C2CD5: variants seen among roughly 807,000 people sequenced by gnomAD.
C2CD5 encodes C2 calcium dependent domain containing 5, also known as C2 domain-containing protein 5.
In C2CD5, 109 loss-of-function variants were observed where a neutral mutation model predicts 130.3. That is an observed-to-expected ratio of 0.84 (90% CI 0.72 to 0.98). The LOEUF is 0.98. C2CD5 is among the 50% of genes least tolerant of loss of function. The pLI is 0.00. For missense variants in C2CD5, 996 were observed against 1,261.8 expected (o/e 0.79, Z 3.19); for synonymous variants, 454 against 429.2 (o/e 1.06, Z -0.71).
chr12:22,466,913 G>A (rs1470334521), intron 22 of C2CD5, among the ~76,000 whole-genome samples: 1 of 152,174 alleles, frequency 6.6e-6, no homozygotes, highest in Non-Finnish European at 1.5e-5. Context: ...TCAATCAATG[G>A]TTTTCAAACT....
At chr12:22,495,452 A>G (rs556141723) in intron 10 of C2CD5, among the ~76,000 whole-genome samples, 2 of 152,134 alleles carry the variant, frequency 1.3e-5, no homozygotes, top group South Asian at 4.1e-4. Context: ...GATACCACAT[A>G]GAATACAAAG....
chr12:22,506,330 C>A (rs1948530692), intron 10 of C2CD5, among the ~76,000 whole-genome samples: 1 of 152,056 alleles, frequency 6.6e-6, no homozygotes, highest in Non-Finnish European at 1.5e-5. Flanking sequence ...TTTAAAAATA[C>A]CTGTTTTAAG....
intron 5 of C2CD5, among the ~76,000 whole-genome samples, chr12:22,525,210 T>A (rs1352537089): frequency 6.6e-6 from 1 of 152,180 alleles, no homozygotes; most frequent in Non-Finnish European, 1.5e-5. Flanking sequence ...GGGATTTCAA[T>A]CCTACTACTG....
chr12:22,531,032 G>A (rs557438336), intron 3 of C2CD5, among the ~76,000 whole-genome samples: 62 of 152,148 alleles, frequency 4.1e-4, no homozygotes, highest in Non-Finnish European at 8.2e-4. Context: ...TTATAGTTGG[G>A]GGGGAAAGGC....
At chr12:22,484,953 A>G in intron 12 of C2CD5, 65 bp from the exon 13 acceptor site, 3 of 738,068 alleles carry the variant, frequency 4.1e-6, no homozygotes, top group Non-Finnish European at 6.1e-6. Context: ...AAAAATAATT[A>G]TGTAACTGAT....
chr12:22,513,280 C>G lies in C2CD5; in HGVS notation c.1038+14G>C. Reference sequence around the variant, plus strand: ...TTAACAGTGTAAGAACAAAGAATATCAAGTGAATCTTACCCTCTGTTCCAA... The same window carrying G: ...TTAACAGTGTAAGAACAAAGAATATGAAGTGAATCTTACCCTCTGTTCCAA... On this transcript the variant is annotated intron_variant, in intron 9 of 26. Coordinates refer to ENST00000446597, the MANE Select transcript of C2CD5 (RefSeq NM_001286176.2). The G allele has an allele frequency of 6.5e-7, 1 of 1,537,022 alleles. No individual in the cohort carries two copies. The highest frequency in any genetic ancestry group is 9.0e-7 in the Non-Finnish European group (1 of 1,110,150).
chr12:22,458,553 T>C lies in C2CD5; in HGVS notation c.2617A>G (p.Arg873Gly). The C allele has an allele frequency of 7.7e-7, 1 of 1,301,522 alleles. No homozygotes were observed. The highest frequency in any genetic ancestry group is 9.8e-7 in the Non-Finnish European group (1 of 1,023,212). The allele number at this position is 1,301,522 out of a possible 1,614,324, so 80.6% of individuals were successfully genotyped here. A position where few individuals can be genotyped will look rare whatever the true frequency, so the allele number is the denominator to read the frequency against. The change falls in exon 24 of 27, where the codon AGA becomes GGA. Residue 873 changes from arginine (R) to glycine (G), a missense_variant. By Grantham distance (125) the Arg-to-Gly change is moderately radical. Coordinates refer to ENST00000446597, the MANE Select transcript of C2CD5 (RefSeq NM_001286176.2). ...TSVDYSSFAD[R>G]CSSWIELIKL... ...ATGAGCTCTATCCAGCTGCTGCATC[T>C]GTCTGCAAAGGAACTGTAATCAACT...
intron 9 of C2CD5, among the ~76,000 whole-genome samples, chr12:22,508,373 G>T (rs925601843): frequency 6.6e-6 from 1 of 152,082 alleles, no homozygotes; most frequent in Admixed American, 6.6e-5. Context: ...AGGAGAGTAC[G>T]TCACTTATAA....
chr12:22,504,958 G>A (rs936985221), intron 10 of C2CD5, among the ~76,000 whole-genome samples: 2 of 151,776 alleles, frequency 1.3e-5, no homozygotes, highest in Admixed American at 1.3e-4. Flanking sequence ...TAAGAAACGG[G>A]GGGAAAAAAA....
intron 10 of C2CD5, 126 bp downstream of exon 10, chr12:22,506,585 C>T (rs1038867565): frequency 1.0e-5 from 6 of 592,900 alleles, no homozygotes; most frequent in African/African-American, 3.7e-5. Context: ...ATTAAAGTAA[C>T]GTGCTAGTTT....
intron 3 of C2CD5, among the ~76,000 whole-genome samples, chr12:22,528,355 T>C (rs1414269795): frequency 1.3e-5 from 2 of 152,182 alleles, no homozygotes; most frequent in African/African-American, 4.8e-5. Context: ...AAAAACAACC[T>C]AAGTTCACAA....
intron 22 of C2CD5, among the ~76,000 whole-genome samples, chr12:22,461,853 G>C (rs1422676345): frequency 1.3e-5 from 2 of 152,104 alleles, no homozygotes; most frequent in Non-Finnish European, 2.9e-5. Flanking sequence ...ATTTCACTTA[G>C]GGAGAGCAGG....
chr12:22,531,771 T>C (rs903825832), intron 3 of C2CD5, among the ~76,000 whole-genome samples: 2 of 152,218 alleles, frequency 1.3e-5, no homozygotes, highest in Non-Finnish European at 2.9e-5. Context: ...AGAAACACAG[T>C]TATATTCCAC....
chr12:22,536,018 T>G (rs1370783537), intron 2 of C2CD5, among the ~76,000 whole-genome samples: 2 of 152,118 alleles, frequency 1.3e-5, no homozygotes, highest in Non-Finnish European at 2.9e-5. Context: ...AATATGGAAC[T>G]AATTAAATTT....
chr12:22,490,820 ACAAT>A (rs1946246869), intron 11 of C2CD5, among the ~76,000 whole-genome samples: 1 of 152,170 alleles, frequency 6.6e-6, no homozygotes, highest in East Asian at 1.9e-4. Flanking sequence ...AAAAAATTAA[ACAAT>A]CAACATAATT....
At chr12:22,481,618 C>CTCATATT (rs1487513675) in intron 14 of C2CD5, among the ~76,000 whole-genome samples, 3 of 145,318 alleles carry the variant, frequency 2.1e-5, no homozygotes, top group African/African-American at 7.6e-5. Flanking sequence ...TTTTTCTTGT[C>CTCATATT]TCATATTTCA....
chr12:22,452,769 A>T (rs1180147388), intron 26 of C2CD5, among the ~76,000 whole-genome samples: 1 of 152,204 alleles, frequency 6.6e-6, no homozygotes, highest in African/African-American at 2.4e-5. Flanking sequence ...CATGATTTCA[A>T]AATAAAACTA....
rs940124190 is a variant in C2CD5 at position 22,475,645 on chromosome 12, G to A, written c.1903-754C>T. On this transcript the variant is annotated intron_variant, in intron 15 of 26. Coordinates refer to ENST00000446597, the MANE Select transcript of C2CD5 (RefSeq NM_001286176.2). Reference sequence around the variant, plus strand: ...TGTCTTTTTAATAAACAAGGAAATTGTACATAAAATTTTTCAAAAATATAT... The same window carrying A: ...TGTCTTTTTAATAAACAAGGAAATTATACATAAAATTTTTCAAAAATATAT... Among the ~76,000 whole-genome samples the A allele has an allele frequency of 2.6e-5, 4 of 152,198 alleles. No individual in the cohort carries two copies. The South Asian group carries it at 8.3e-4, about 32-fold the overall frequency.
At chr12:22,460,324 TA>T (rs1287238436) in intron 22 of C2CD5, among the ~76,000 whole-genome samples, 1 of 152,174 alleles carries the variant, frequency 6.6e-6, no homozygotes, top group African/African-American at 2.4e-5. Context: ...ATTTTACAAC[TA>T]AAAGAATAGT....
Sources: allele counts gnomAD v4.1 joint callset (sites outside exome capture counted in the v4.1 genomes callset), GRCh38; gene constraint gnomAD v4.1.1; transcripts MANE v1.5; gene names NCBI Gene and HGNC (gene_info 2026-07-23, HGNC 2026-07-21).